The following LRP1 variants were observed in gnomAD, a reference collection of about 807,000 sequenced individuals.
LRP1 encodes the protein prolow-density lipoprotein receptor-related protein 1.
LRP1 carries 51 observed loss-of-function variants against 541.5 expected under a neutral mutation model. The observed-to-expected ratio is 0.09, with a 90% confidence interval of 0.08 to 0.12. The LOEUF (loss-of-function observed/expected upper bound fraction) is 0.12, where lower values mean the gene tolerates loss of function less well. Among genes scored for constraint, LRP1 ranks in the 10% least tolerant of loss-of-function variants. The pLI is 1.00. For missense variants in LRP1, 3,878 were observed against 6,376.2 expected, an observed-to-expected ratio of 0.61 and a Z score of 13.34; for synonymous variants, 2,219 against 2,470.8, an observed-to-expected ratio of 0.90 and a Z score of 3.02.
chr12:57,174,432 TG>T (rs2036004470), intron 22 of LRP1, among the ~76,000 whole-genome samples: 1 of 151,990 alleles, frequency 6.6e-6, no homozygotes. Flanking sequence ...CTGGAGGATG[TG>T]GGGATTGCAT....
intron 22 of LRP1, 113 bp from the exon 23 acceptor site, chr12:57,175,342 TGGGCA>T: frequency 8.2e-7 from 1 of 1,214,204 alleles, no homozygotes; most frequent in Non-Finnish European, 1.2e-6. Flanking sequence ...AATGGGGCCG[TGGGCA>T]GGGCACAAGG....
intron 77 of LRP1, 144 bp from the exon 78 acceptor site, chr12:57,208,567 C>T (rs928592755): frequency 3.3e-6 from 2 of 607,012 alleles, no homozygotes; most frequent in Non-Finnish European, 5.9e-6. Flanking sequence ...AGCAGACTCC[C>T]GCCTGCTTCT....
Position 57,165,640 on chromosome 12 carries a change from G to T in LRP1, c.2531-165G>T, listed in dbSNP as rs2035823390. On this transcript the variant is annotated intron_variant, in intron 15 of 88. Coordinates refer to ENST00000243077, the MANE Select transcript of LRP1 (RefSeq NM_002332.3). The surrounding 1 kb of genome is among the most constrained non-coding windows in gnomAD (Gnocchi z 4.5). ...CACTATTGTTGCTTGGGAAAGAATT[G>T]CAGTTTCCATCCAGATAATTTGTTT... is the stretch of plus-strand genomic sequence containing the variant. 1.5e-6 allele frequency: 1 copy of T among 645,202 alleles called. No homozygotes were observed. Among genetic ancestry groups the T allele is most frequent in the South Asian group, 2.0e-5 (1 of 49,502 alleles). The allele number at this position is 645,202 out of a possible 1,614,324, so 40.0% of individuals were successfully genotyped here.
At chr12:57,134,111 GC>G (rs1361573156) in intron 1 of LRP1, among the ~76,000 whole-genome samples, 1 of 152,198 alleles carries the variant, frequency 6.6e-6, no homozygotes, top group Non-Finnish European at 1.5e-5. Flanking sequence ...GGGGACCGTG[GC>G]TGGGCTGGGT....
Position 57,197,183 on chromosome 12 carries a change from AG to A in LRP1, c.9076+21del. ...TGTGACTGGTGAGATGCGCGCTTGGAGGGCATGAGGTGACCCAGGCTGTGTG... is the reference window on the plus strand; with the variant it reads ...TGTGACTGGTGAGATGCGCGCTTGGAGGCATGAGGTGACCCAGGCTGTGTG... On this transcript the variant is annotated intron_variant, in intron 56 of 88. Transcript: ENST00000243077. The surrounding 1 kb of genome is among the most constrained non-coding windows in gnomAD (Gnocchi z 4.5). 6.2e-7 allele frequency: 1 copy of A among 1,613,844 alleles called. No individual in the cohort carries two copies. Among genetic ancestry groups the A allele is most frequent in the Non-Finnish European group, 8.5e-7 (1 of 1,179,966 alleles).
intron 20 of LRP1, 36 bp downstream of exon 20, chr12:57,169,343 C>A: frequency 3.2e-6 from 5 of 1,560,996 alleles, no homozygotes; most frequent in East Asian, 2.3e-5. Context: ...GGGATGAGAT[C>A]GAGCCCCCTG....
chr12:57,158,281 G>A lies in LRP1; in HGVS notation c.1562-121G>A, dbSNP rs982438625. 5 of 790,090 alleles carry A rather than the reference G, an allele frequency of 6.3e-6. No individual in the cohort carries two copies. The highest frequency in any genetic ancestry group is 1.0e-5 in the Non-Finnish European group (5 of 479,102). 48.9% of individuals were successfully genotyped at this position (790,090 alleles called of 1,614,324 possible). A position where few individuals can be genotyped will look rare whatever the true frequency, so the allele number is the denominator to read the frequency against. On this transcript the variant is annotated intron_variant, in intron 10 of 88. Transcript: ENST00000243077. This position sits in a 1 kb window ranked among gnomAD's most constrained non-coding sequence, Gnocchi z 5.3. ...GTCTGTCCATCTGACCCAGAGCCTC[G>A]CATCCCTAACGTCTCCTGACCCATC...
chr12:57,132,424 C>A (rs568316922), intron 1 of LRP1, among the ~76,000 whole-genome samples: 32 of 152,098 alleles, frequency 2.1e-4, no homozygotes, highest in Non-Finnish European at 4.1e-4. Flanking sequence ...GGTAGTGGTC[C>A]CTATTCTGGG....
rs1195973041 is a variant in LRP1 at position 57,204,782 on chromosome 12, G to T, written c.11194+33G>T. ...GGGGGCCGACGAGAGGCCTGCAGGG[G>T]ACGGGTAGTGCACAGTGGGGTGAGT... is the stretch of plus-strand genomic sequence containing the variant. On this transcript the variant is annotated intron_variant, in intron 72 of 88. Transcript: ENST00000243077. This position sits in a 1 kb window ranked among gnomAD's most constrained non-coding sequence, Gnocchi z 5.3. 16 of 1,612,412 alleles carry T rather than the reference G, an allele frequency of 9.9e-6. No homozygotes were observed. Among genetic ancestry groups the T allele is most frequent in the Admixed American group, 1.7e-5 (1 of 59,992 alleles).
chr12:57,179,898 A>G lies in LRP1; in HGVS notation c.5083A>G (p.Asn1695Asp), dbSNP rs1565736573. The G allele has an allele frequency of 6.2e-7, 1 of 1,614,100 alleles. No homozygotes were observed. The highest frequency in any genetic ancestry group is 8.5e-7 in the Non-Finnish European group (1 of 1,180,026). The change falls in exon 30 of 89, where the codon AAC (asparagine) becomes GAC (aspartate). Residue 1695 changes from asparagine (N) to aspartate (D), a missense_variant. By Grantham distance (23) the Asn-to-Asp change is conservative. Coordinates refer to ENST00000243077, the MANE Select transcript of LRP1 (RefSeq NM_002332.3). This position sits in a 1 kb window ranked among gnomAD's most constrained non-coding sequence, Gnocchi z 6.8. ...NVARLDGSFK[N>D]AVVQGLEQPH... Reference sequence around the variant, plus strand: ...GGCCCGGCTGGATGGCTCCTTCAAGAACGCAGTGGTGCAGGGCCTGGAGCA... The same window carrying G: ...GGCCCGGCTGGATGGCTCCTTCAAGGACGCAGTGGTGCAGGGCCTGGAGCA...
intron 76 of LRP1, among the ~76,000 whole-genome samples, chr12:57,207,112 G>A (rs1450287682): frequency 1.3e-5 from 2 of 152,094 alleles, no homozygotes; most frequent in South Asian, 2.1e-4. Context: ...GCATGGTGGC[G>A]GGCGCCTGTA....
intron 49 of LRP1, 29 bp downstream of exon 49, chr12:57,194,532 G>T: frequency 6.2e-7 from 1 of 1,611,678 alleles, no homozygotes; most frequent in Non-Finnish European, 8.5e-7. Flanking sequence ...GTGGTGGGTG[G>T]TGGCCTGCGG....
chr12:57,177,701 G>T lies in LRP1; in HGVS notation c.4361+110G>T. 3 of 1,312,596 alleles carry T rather than the reference G, an allele frequency of 2.3e-6. No homozygotes were observed. The highest frequency in any genetic ancestry group is 1.5e-5 in the African/African-American group (1 of 68,650). The allele number at this position is 1,312,596 out of a possible 1,614,324, so 81.3% of individuals were successfully genotyped here. On this transcript the variant is annotated intron_variant, in intron 26 of 88. Coordinates refer to ENST00000243077, the MANE Select transcript of LRP1 (RefSeq NM_002332.3). The surrounding 1 kb of genome is among the most constrained non-coding windows in gnomAD (Gnocchi z 6.8). ...AGAAGGACCAAGGGATCTAGAACTA[G>T]GAACGGTGGCAAAGGACTGGGCACA...
At chr12:57,188,487 T>C (rs1461690549) in intron 42 of LRP1, among the ~76,000 whole-genome samples, 1 of 152,166 alleles carries the variant, frequency 6.6e-6, no homozygotes, top group African/African-American at 2.4e-5. Flanking sequence ...CTCTGTCATC[T>C]GGCACATCTG....
rs150339478 is a variant in LRP1 at position 57,139,110 on chromosome 12, G to A, written c.190+529G>A. On this transcript the variant is annotated intron_variant, in intron 2 of 88. Coordinates refer to ENST00000243077, the MANE Select transcript of LRP1 (RefSeq NM_002332.3). ...TGTTTTAACTGGGAGAAAGGTCCCC[G>A]CCCAGCTTTTGCCCTGCCAAGGGAA... Among the ~76,000 whole-genome samples the A allele has an allele frequency of 2.0e-3, 301 of 152,164 alleles. 5 individuals carry two copies. The highest frequency in any genetic ancestry group is 0.016 in the Admixed American group (247 of 15,284).
At position 57,197,580 on chromosome 12, in the gene LRP1, C is replaced by T. The variant is rs770020090; in HGVS notation, c.9198C>T (p.Tyr3066=). 2 of 1,614,148 alleles carry T rather than the reference C, an allele frequency of 1.2e-6. No individual in the cohort carries two copies. The highest frequency in any genetic ancestry group is 2.2e-5 in the South Asian group (2 of 91,070). ...ACGCCGTTGCCTTGGATTTTGACTA[C>T]CGAGAGCAGATGATCTACTGGACAG... ...LNNAVALDFD[Y]REQMIYWTDV... Residue 3066 remains tyrosine, a synonymous_variant, in exon 58 of 89, where the codon TAC becomes TAT. Coordinates refer to ENST00000243077, the MANE Select transcript of LRP1 (RefSeq NM_002332.3). The surrounding 1 kb of genome is among the most constrained non-coding windows in gnomAD (Gnocchi z 4.5).
In LRP1 at chr12:57,197,754, T is replaced by C; in HGVS notation, c.9282+90T>C. On this transcript the variant is annotated intron_variant, in intron 58 of 88. Transcript: ENST00000243077. This position sits in a 1 kb window ranked among gnomAD's most constrained non-coding sequence, Gnocchi z 4.5. ...CTCCTTCCCGCCCCACCAACCCAAA[T>C]TGCTTCCTTCTCACTCCACTAGTCA... 12 of 1,502,404 alleles carry C rather than the reference T, an allele frequency of 8.0e-6. No individual in the cohort carries two copies. Among genetic ancestry groups the C allele is most frequent in the Non-Finnish European group, 1.1e-5 (12 of 1,107,610 alleles). 93.1% of individuals were successfully genotyped at this position (1,502,404 alleles called of 1,614,324 possible).
Position 57,203,175 on chromosome 12 carries a change from T to A in LRP1, c.10712-6T>A. 6.4e-7 allele frequency: 1 copy of A among 1,569,874 alleles called. No individual in the cohort carries two copies. The highest frequency in any genetic ancestry group is 8.6e-7 in the Non-Finnish European group (1 of 1,156,244). On this transcript the variant is annotated splice_polypyrimidine_tract_variant and splice_region_variant and intron_variant, in intron 68 of 88. Coordinates refer to ENST00000243077, the MANE Select transcript of LRP1 (RefSeq NM_002332.3). Reference sequence around the variant, plus strand: ...TCCTGGGCCTGTCTCCCCCTGTCCTTCCCAGCCCCTCGGCCCTGCTCCGAG... The same window carrying A: ...TCCTGGGCCTGTCTCCCCCTGTCCTACCCAGCCCCTCGGCCCTGCTCCGAG...
chr12:57,150,722 A>G (rs1336047125), intron 6 of LRP1, among the ~76,000 whole-genome samples: 2 of 152,200 alleles, frequency 1.3e-5, no homozygotes, highest in South Asian at 2.1e-4. Flanking sequence ...GGGAGTGTTT[A>G]TCATGCACCA....
Sources: allele counts gnomAD v4.1 joint callset (sites outside exome capture counted in the v4.1 genomes callset), GRCh38; gene constraint gnomAD v4.1.1; non-coding constraint Gnocchi (gnomAD v3.1); transcripts MANE v1.5; gene names NCBI Gene and HGNC (gene_info 2026-07-23, HGNC 2026-07-21).